The following AGMO variants were observed in gnomAD, a reference collection of about 807,000 sequenced individuals.
AGMO encodes alkylglycerol monooxygenase.
A neutral mutation model predicts 60.2 loss-of-function variants in AGMO; 75 were observed. The observed-to-expected ratio is 1.25, with a 90% CI of 1.03 to 1.51. The LOEUF (loss-of-function observed/expected upper bound fraction) is 1.51, where lower values mean the gene tolerates loss of function less well. Among genes scored for constraint, AGMO ranks in the 40% most tolerant of loss-of-function variants. AGMO has a pLI of 0.00. For synonymous variants in AGMO, 261 were observed against 177.1 expected, an observed-to-expected ratio of 1.47 and a Z score of -3.76; for missense variants, 763 against 525.5, an observed-to-expected ratio of 1.45 and a Z score of -4.42.
chr7:15,426,935 G>A (rs565447986), intron 4 of AGMO, among the ~76,000 whole-genome samples: 16 of 152,014 alleles, frequency 1.1e-4, no homozygotes, highest in Non-Finnish European at 2.2e-4. Flanking sequence ...CTGGAGAGAC[G>A]AAACCAAGTT....
At chr7:15,188,713 T>C in the AGMO span, among the ~76,000 whole-genome samples, 2 of 151,702 alleles carry the variant, frequency 1.3e-5, no homozygotes, top group Non-Finnish European at 2.9e-5. Context: ...CATGAGTTCA[T>C]AGAAAAGCAG....
At chr7:15,378,911 C>T (rs911134185) in intron 10 of AGMO, among the ~76,000 whole-genome samples, 6 of 152,052 alleles carry the variant, frequency 3.9e-5, no homozygotes, top group Non-Finnish European at 7.4e-5. Context: ...TCATAACCCA[C>T]ATTCTTTCAG....
At chr7:15,252,786 C>A (rs973772416) in intron 12 of AGMO, among the ~76,000 whole-genome samples, 2 of 152,094 alleles carry the variant, frequency 1.3e-5, no homozygotes, top group African/African-American at 4.8e-5. Context: ...GTGTAACACT[C>A]CACACTTAAG....
the AGMO span, among the ~76,000 whole-genome samples, chr7:15,175,374 T>A: frequency 6.6e-6 from 1 of 151,928 alleles, no homozygotes; most frequent in Non-Finnish European, 1.5e-5. Context: ...AGCAGCAGTC[T>A]GACAAAGAAG....
intron 12 of AGMO, among the ~76,000 whole-genome samples, chr7:15,289,604 T>C (rs1472874070): frequency 6.6e-6 from 1 of 152,052 alleles, no homozygotes; most frequent in South Asian, 2.1e-4. Flanking sequence ...AAGTTTATAA[T>C]ATTTTTTAAT....
intron 10 of AGMO, 105 bp downstream of exon 10, chr7:15,385,341 C>A: frequency 1.4e-6 from 1 of 737,006 alleles, no homozygotes. Flanking sequence ...TTACAGCAGA[C>A]CACTACAGAG....
chr7:15,191,960 CTCTG>C, the AGMO span, among the ~76,000 whole-genome samples: 13 of 74,072 alleles, frequency 1.8e-4, no homozygotes, highest in Non-Finnish European at 2.7e-4. Flanking sequence ...CTCACTCTCC[CTCTG>C]TCTCTCTCTC....
chr7:15,143,380 T>C, the AGMO span, among the ~76,000 whole-genome samples: 1 of 152,196 alleles, frequency 6.6e-6, no homozygotes, highest in Non-Finnish European at 1.5e-5. Context: ...GTGCTCAATT[T>C]ATCTACCCAA....
the AGMO span, among the ~76,000 whole-genome samples, chr7:15,127,682 T>G: frequency 6.6e-6 from 1 of 152,130 alleles, no homozygotes; most frequent in Non-Finnish European, 1.5e-5. Context: ...AAGAATAGCT[T>G]TTCTAAAATT....
chr7:15,197,101 T>A (rs1450225575), downstream of AGMO, among the ~76,000 whole-genome samples: 1 of 152,080 alleles, frequency 6.6e-6, no homozygotes, highest in Non-Finnish European at 1.5e-5. Flanking sequence ...GCCAAGCTGC[T>A]TCCATCATGT....
intron 12 of AGMO, among the ~76,000 whole-genome samples, chr7:15,341,094 T>C (rs1435308883): frequency 1.3e-5 from 2 of 152,148 alleles, no homozygotes; most frequent in African/African-American, 2.4e-5. Flanking sequence ...ATTTCAGAGC[T>C]TGAAGGTCTT....
intron 3 of AGMO, among the ~76,000 whole-genome samples, chr7:15,493,654 C>G (rs1354219901): frequency 6.6e-6 from 1 of 152,032 alleles, no homozygotes; most frequent in African/African-American, 2.4e-5. Flanking sequence ...GGATTACAGG[C>G]GTGAGCCACC....
chr7:15,234,969 ATCT>A (rs1782373580), intron 12 of AGMO, among the ~76,000 whole-genome samples: 2 of 152,050 alleles, frequency 1.3e-5, no homozygotes, highest in African/African-American at 2.4e-5. Flanking sequence ...GCTTTTCCTA[ATCT>A]TCTCCTACCC....
chr7:15,147,113 CCCT>C, the AGMO span, among the ~76,000 whole-genome samples: 3 of 152,038 alleles, frequency 2.0e-5, no homozygotes, highest in Non-Finnish European at 4.4e-5. Flanking sequence ...TCTCTGGGGT[CCCT>C]CCTCCTCAGG....
chr7:15,264,337 T>C (rs1470315794), intron 12 of AGMO, among the ~76,000 whole-genome samples: 3 of 151,922 alleles, frequency 2.0e-5, no homozygotes, highest in Non-Finnish European at 4.4e-5. Context: ...ATATATTCTA[T>C]CTTAAATTAT....
chr7:15,134,907 T>A, the AGMO span, among the ~76,000 whole-genome samples: 1 of 152,114 alleles, frequency 6.6e-6, no homozygotes, highest in African/African-American at 2.4e-5. Flanking sequence ...CAGTGGAAAC[T>A]TTTAGTTTAC....
At chr7:15,265,530 G>T (rs529974432) in intron 12 of AGMO, among the ~76,000 whole-genome samples, 2 of 151,750 alleles carry the variant, frequency 1.3e-5, no homozygotes, top group African/African-American at 2.4e-5. Context: ...CAGATCAAAA[G>T]ATATTCAAAA....
intron 3 of AGMO, among the ~76,000 whole-genome samples, chr7:15,534,933 G>A (rs1223989929): frequency 6.6e-6 from 1 of 151,690 alleles, no homozygotes. Flanking sequence ...TACATAAACA[G>A]GTCAGACAAC....
intron 12 of AGMO, among the ~76,000 whole-genome samples, chr7:15,289,507 T>C (rs1046976580): frequency 2.0e-5 from 3 of 152,112 alleles, no homozygotes; most frequent in Non-Finnish European, 4.4e-5. Flanking sequence ...AGGTAATACA[T>C]GCTTTGTGGC....
Sources: allele counts gnomAD v4.1 joint callset (sites outside exome capture counted in the v4.1 genomes callset), GRCh38; gene constraint gnomAD v4.1.1; transcripts MANE v1.5; gene names NCBI Gene and HGNC (gene_info 2026-07-23, HGNC 2026-07-21).